Variants in GPC5 observed in about 807,000 individuals in gnomAD.
The protein encoded by GPC5 is glypican 5.
A neutral mutation model predicts 53.9 loss-of-function variants in GPC5; 47 were observed. The observed-to-expected ratio is 0.87, with a 90% CI of 0.69 to 1.11. The LOEUF (loss-of-function observed/expected upper bound fraction) is 1.11, where lower values mean the gene tolerates loss of function less well. Among genes scored for constraint, GPC5 ranks in the 50% most tolerant of loss-of-function variants. GPC5 has a pLI of 0.00. For missense variants in GPC5, 748 were observed against 713.1 expected (o/e 1.05, Z -0.56); for synonymous variants, 286 against 263.3 (o/e 1.09, Z -0.84).
At chr13:92,281,917 GAGA>G (rs146812829) in intron 7 of GPC5, among the ~76,000 whole-genome samples, 13,001 of 152,242 alleles carry the variant, frequency 0.085, 610 homozygotes, top group Middle Eastern at 0.12. Flanking sequence ...GACAGGTTGA[GAGA>G]AGAAGGCTTC....
intron 7 of GPC5, among the ~76,000 whole-genome samples, chr13:92,589,262 C>T (rs117328956): frequency 0.024 from 3,723 of 152,240 alleles, 68 homozygotes; most frequent in Non-Finnish European, 0.037. Context: ...GAGAATATTC[C>T]TTTTCTCCTG....
intron 7 of GPC5, among the ~76,000 whole-genome samples, chr13:92,811,219 T>G (rs1482479699): frequency 3.3e-5 from 5 of 151,982 alleles, no homozygotes; most frequent in African/African-American, 1.2e-4. Flanking sequence ...TCATTTCTTT[T>G]GGGTTTATTC....
At chr13:91,593,854 G>A (rs2032896078) in intron 2 of GPC5, among the ~76,000 whole-genome samples, 1 of 150,098 alleles carries the variant, frequency 6.7e-6, no homozygotes, top group African/African-American at 2.5e-5. Flanking sequence ...CTGATAAATA[G>A]CAAAGAGATT....
intron 6 of GPC5, among the ~76,000 whole-genome samples, chr13:92,092,998 C>T (rs1245570007): frequency 6.6e-6 from 1 of 152,090 alleles, no homozygotes; most frequent in African/African-American, 2.4e-5. Context: ...TTTGCATTTT[C>T]ATGGACAGGA....
At chr13:92,803,184 T>G (rs1046415298) in intron 7 of GPC5, among the ~76,000 whole-genome samples, 8 of 151,962 alleles carry the variant, frequency 5.3e-5, no homozygotes, top group Non-Finnish European at 7.4e-5. Context: ...TGATATGCTT[T>G]TAGAGCCAAC....
intron 7 of GPC5, chr13:92,490,043 CTCT>C (rs1319288279): frequency 6.5e-6 from 1 of 153,082 alleles, no homozygotes; most frequent in African/African-American, 2.4e-5. Context: ...TGTTTACATA[CTCT>C]TCTTGTGCAT....
intron 7 of GPC5, among the ~76,000 whole-genome samples, chr13:92,195,348 G>C (rs977897307): frequency 1.3e-5 from 2 of 152,142 alleles, no homozygotes; most frequent in African/African-American, 4.8e-5. Context: ...ATTAAGCCAA[G>C]CTCCGTGCAA....
Position 91,623,087 on chromosome 13 carries a change from T to C in GPC5, c.326-70100T>C, listed in dbSNP as rs535342346. ...GTGAATAAGACTTGAAATATCTTTA[T>C]ATCTCTGTATCTGCCTGTCATCTAT... On this transcript the variant is annotated intron_variant, in intron 2 of 7. Coordinates refer to ENST00000377067, the MANE Select transcript of GPC5 (RefSeq NM_004466.6). 2.6e-3 allele frequency among the ~76,000 whole-genome samples: 389 copies of C among 152,236 alleles called. 2 individuals are homozygous for C. Among genetic ancestry groups the C allele is most frequent in the African/African-American group, 9.0e-3 (372 of 41,540 alleles).
chr13:92,120,449 G>A (rs2041639694), intron 6 of GPC5, among the ~76,000 whole-genome samples: 1 of 151,950 alleles, frequency 6.6e-6, no homozygotes, highest in African/African-American at 2.4e-5. Context: ...TTGTAGAGAT[G>A]GGGTCTCACT....
intron 7 of GPC5, among the ~76,000 whole-genome samples, chr13:92,411,291 G>A (rs1241947941): frequency 6.6e-6 from 1 of 151,912 alleles, no homozygotes; most frequent in African/African-American, 2.4e-5. Flanking sequence ...AAAAAAGAAT[G>A]CTTACTTGAG....
In GPC5 at chr13:92,633,434, A is replaced by T. The variant is rs568234070; in HGVS notation, c.1562-232848A>T. 2.0e-5 allele frequency among the ~76,000 whole-genome samples: 3 copies of T among 152,296 alleles called. No individual in the cohort carries two copies. The South Asian group carries it at 6.2e-4, about 32-fold the overall frequency. Reference sequence around the variant, plus strand: ...TATAAAAGTATAGATTAATTTAAGAAAAGCTGAGGGTTTTAAAAAATATTT... The same window carrying T: ...TATAAAAGTATAGATTAATTTAAGATAAGCTGAGGGTTTTAAAAAATATTT... On this transcript the variant is annotated intron_variant, in intron 7 of 7. Coordinates refer to ENST00000377067, the MANE Select transcript of GPC5 (RefSeq NM_004466.6).
chr13:91,461,927 C>T (rs662547), intron 2 of GPC5, among the ~76,000 whole-genome samples: 47,936 of 151,852 alleles, frequency 0.32, 8,673 homozygotes, highest in Non-Finnish European at 0.39. Flanking sequence ...CCTCTAAATT[C>T]GCAAAGACCA....
chr13:92,104,920 C>T (rs937309750), intron 6 of GPC5, among the ~76,000 whole-genome samples: 12 of 152,112 alleles, frequency 7.9e-5, no homozygotes, highest in African/African-American at 2.7e-4. Flanking sequence ...ACCCCATCAT[C>T]TTCTAAAACA....
At chr13:92,558,740 A>G (rs1206215845) in intron 7 of GPC5, among the ~76,000 whole-genome samples, 1 of 152,036 alleles carries the variant, frequency 6.6e-6, no homozygotes, top group Non-Finnish European at 1.5e-5. Flanking sequence ...CTCTTGGAAC[A>G]TAGCCTAGAA....
chr13:91,539,316 T>C (rs2029863883), intron 2 of GPC5, among the ~76,000 whole-genome samples: 1 of 152,180 alleles, frequency 6.6e-6, no homozygotes, highest in Non-Finnish European at 1.5e-5. Context: ...GGGGAAATTA[T>C]TGGATCACAT....
At chr13:92,572,620 A>G (rs576642284) in intron 7 of GPC5, among the ~76,000 whole-genome samples, 1 of 152,204 alleles carries the variant, frequency 6.6e-6, no homozygotes, top group African/African-American at 2.4e-5. Flanking sequence ...GATCAATGCT[A>G]AGAATGAAGC....
At chr13:92,097,491 G>T (rs903754325) in intron 6 of GPC5, among the ~76,000 whole-genome samples, 1 of 152,190 alleles carries the variant, frequency 6.6e-6, no homozygotes, top group Non-Finnish European at 1.5e-5. Flanking sequence ...AAATGTCAAA[G>T]TATTCTGTTA....
chr13:92,595,450 C>T (rs1014229116), intron 7 of GPC5, among the ~76,000 whole-genome samples: 3 of 152,082 alleles, frequency 2.0e-5, no homozygotes, highest in Non-Finnish European at 2.9e-5. Flanking sequence ...ATGAGTTGTG[C>T]GTAGACCTTC....
chr13:92,180,238 G>T (rs1341283616), intron 7 of GPC5, among the ~76,000 whole-genome samples: 2 of 152,268 alleles, frequency 1.3e-5, no homozygotes, highest in East Asian at 1.9e-4. Context: ...TTTGTTTAAG[G>T]CTGCAGTTTA....
Sources: gnomAD v4.1 joint callset for allele counts (sites outside exome capture counted in the v4.1 genomes callset) on GRCh38, gnomAD v4.1.1 for gene constraint, MANE v1.5 for transcripts, NCBI Gene and HGNC (gene_info 2026-07-23, HGNC 2026-07-21) for gene names.